NREP: variants seen among roughly 807,000 people sequenced by gnomAD.
NREP encodes neuronal regeneration related protein.
In NREP, 5 loss-of-function variants were observed where a neutral mutation model predicts 8.6. The observed-to-expected ratio is 0.58, with a 90% CI of 0.30 to 1.22. The LOEUF is 1.22. Ranked by LOEUF, NREP falls within the 50% of genes most tolerant of loss-of-function variation. NREP has a pLI of 0.07. For synonymous variants in NREP, 27 were observed against 28.0 expected (o/e 0.96, Z 0.11); for missense variants, 86 against 82.5 (o/e 1.04, Z -0.17).
chr5:111,811,935 G>T (rs2112914922), intron 2 of NREP, among the ~76,000 whole-genome samples: 1 of 152,254 alleles, frequency 6.6e-6, no homozygotes, highest in East Asian at 1.9e-4. Flanking sequence ...TCTCTAATTG[G>T]ATGAAATTGG....
At chr5:111,867,085 T>C (rs917772119) in intron 2 of NREP, among the ~76,000 whole-genome samples, 21 of 151,682 alleles carry the variant, frequency 1.4e-4, no homozygotes, top group Non-Finnish European at 4.4e-5. Flanking sequence ...ACATGGCACA[T>C]GTATACATAC....
chr5:111,905,174 C>T (rs954704564), intron 2 of NREP, among the ~76,000 whole-genome samples: 3 of 152,074 alleles, frequency 2.0e-5, no homozygotes, highest in African/African-American at 4.8e-5. Flanking sequence ...CAAAATTTTC[C>T]GTTGACCTCT....
chr5:111,751,281 A>C (rs535305564), intron 2 of NREP, among the ~76,000 whole-genome samples: 3 of 152,278 alleles, frequency 2.0e-5, no homozygotes, highest in Non-Finnish European at 4.4e-5. Context: ...ATTACTACTA[A>C]TAACTGAAGT....
intron 2 of NREP, among the ~76,000 whole-genome samples, chr5:111,791,979 A>G (rs1357468298): frequency 2.0e-5 from 3 of 152,218 alleles, no homozygotes; most frequent in Non-Finnish European, 4.4e-5. Flanking sequence ...TTAAATGAGA[A>G]AAGTCCCTAG....
chr5:111,731,818 A>G (rs569173818), intron 3 of NREP: 2 of 152,446 alleles, frequency 1.3e-5, no homozygotes, highest in South Asian at 4.2e-4. Flanking sequence ...ATCCGCCGCC[A>G]CGTGGCTTCC....
rs890402258 is a variant in NREP, at chr5:111,931,062, G to A, written c.135+44212C>T. 3.4e-4 allele frequency among the ~76,000 whole-genome samples: 51 copies of A among 151,996 alleles called. 1 individual carries two copies. The highest frequency in any genetic ancestry group is 1.2e-3 in the African/African-American group (50 of 41,408). On this transcript the variant is annotated intron_variant, in intron 2 of 3. Coordinates refer to the NREP transcript ENST00000395634. ...AGAAAGAATTTGGATCTTTGACAAG[G>A]CATTGAGATGCTGAATTAAATAATC...
At chr5:111,745,576 A>G (rs189917662) in intron 2 of NREP, among the ~76,000 whole-genome samples, 58 of 152,280 alleles carry the variant, frequency 3.8e-4, no homozygotes, top group Admixed American at 8.5e-4. Flanking sequence ...ACCAATGGAC[A>G]ATCTAATTCA....
At chr5:111,936,242 T>C (rs1314631508) in intron 2 of NREP, among the ~76,000 whole-genome samples, 1 of 151,870 alleles carries the variant, frequency 6.6e-6, no homozygotes, top group African/African-American at 2.4e-5. Flanking sequence ...TGGTGGGAGG[T>C]GGCTGGATTA....
chr5:111,862,300 C>G (rs536368717), intron 2 of NREP, among the ~76,000 whole-genome samples: 12 of 152,280 alleles, frequency 7.9e-5, no homozygotes, highest in African/African-American at 2.6e-4. Flanking sequence ...GTGCAGAAAA[C>G]AGACTGTCAT....
chr5:111,810,756 G>A (rs183922457), intron 2 of NREP, among the ~76,000 whole-genome samples: 1 of 152,254 alleles, frequency 6.6e-6, no homozygotes, highest in Non-Finnish European at 1.5e-5. Context: ...GCTAAAAAAT[G>A]GTTTCCCTAT....
At chr5:111,886,453 C>A (rs957100689) in intron 2 of NREP, among the ~76,000 whole-genome samples, 73 of 152,156 alleles carry the variant, frequency 4.8e-4, no homozygotes, top group African/African-American at 1.7e-3. Flanking sequence ...ACTATTTGAC[C>A]CAGCCATCCC....
At chr5:111,945,406 A>G (rs934127509) in intron 2 of NREP, among the ~76,000 whole-genome samples, 1 of 150,798 alleles carries the variant, frequency 6.6e-6, no homozygotes, top group Non-Finnish European at 1.5e-5. Flanking sequence ...AACATTAGGT[A>G]TATCTCCTAA....
chr5:111,755,594 A>G, intron 2 of NREP, 176 bp downstream of exon 2: 1 of 670,420 alleles, frequency 1.5e-6, no homozygotes. Context: ...TGCCACATCC[A>G]ATTCACATAA....
intron 2 of NREP, among the ~76,000 whole-genome samples, chr5:111,907,901 C>A (rs1305259315): frequency 4.0e-5 from 6 of 151,710 alleles, no homozygotes; most frequent in Non-Finnish European, 5.9e-5. Context: ...TTTTTATATC[C>A]CTGTTACCAA....
chr5:111,881,614 G>A (rs1461910299), intron 2 of NREP, among the ~76,000 whole-genome samples: 1 of 152,100 alleles, frequency 6.6e-6, no homozygotes, highest in African/African-American at 2.4e-5. Context: ...ACACGACCGG[G>A]TACTCCTCTG....
chr5:111,882,306 G>T (rs1221632551), intron 2 of NREP, among the ~76,000 whole-genome samples: 2 of 152,186 alleles, frequency 1.3e-5, no homozygotes, highest in Non-Finnish European at 2.9e-5. Flanking sequence ...AATGAACAAA[G>T]CCTCTAAGAA....
chr5:111,813,356 C>A (rs1283569939), intron 2 of NREP, among the ~76,000 whole-genome samples: 1 of 152,074 alleles, frequency 6.6e-6, no homozygotes, highest in Non-Finnish European at 1.5e-5. Context: ...TAATATTTTT[C>A]CAAAATGAGC....
chr5:111,935,454 G>A (rs1755657625), intron 2 of NREP, among the ~76,000 whole-genome samples: 1 of 152,042 alleles, frequency 6.6e-6, no homozygotes, highest in African/African-American at 2.4e-5. Flanking sequence ...CCTGCAGGGA[G>A]GCATGCTACA....
At chr5:111,975,300 G>C in exon 2 of NREP, 1 of 1,551,456 alleles carries the variant, frequency 6.4e-7, no homozygotes, top group South Asian at 1.2e-5. Context: ...ATCTGGCAGT[G>C]AACCTGGAAA....
Sources: allele counts gnomAD v4.1 joint callset (sites outside exome capture counted in the v4.1 genomes callset), GRCh38; gene constraint gnomAD v4.1.1; transcripts MANE v1.5; gene names NCBI Gene and HGNC (gene_info 2026-07-23, HGNC 2026-07-21).